The following PLXDC2 variants were observed in gnomAD, a reference collection of about 807,000 sequenced individuals.
PLXDC2 encodes the protein plexin domain containing 2.
In PLXDC2, 40 loss-of-function variants were observed where a neutral mutation model predicts 68.9. That is an observed-to-expected ratio of 0.58 (90% confidence interval 0.45 to 0.76). The LOEUF (loss-of-function observed/expected upper bound fraction) is 0.76. Among genes scored for constraint, PLXDC2 ranks in the 30% least tolerant of loss-of-function variants. The pLI, the probability that PLXDC2 is intolerant of heterozygous loss-of-function variation, is 0.00. For missense variants in PLXDC2, 644 were observed against 661.9 expected, an observed-to-expected ratio of 0.97 and a Z score of 0.30; for synonymous variants, 243 against 234.2, an observed-to-expected ratio of 1.04 and a Z score of -0.34.
intron 4 of PLXDC2, among the ~76,000 whole-genome samples, chr10:20,109,772 A>G (rs937250246): frequency 2.0e-5 from 3 of 152,216 alleles, no homozygotes; most frequent in Non-Finnish European, 2.9e-5. Context: ...TAACTATTCA[A>G]TTAACTTCCA....
At chr10:19,823,831 T>TTTTTGTTTTG (rs553666963) in intron 1 of PLXDC2, among the ~76,000 whole-genome samples, 2 of 151,808 alleles carry the variant, frequency 1.3e-5, no homozygotes, top group Admixed American at 1.3e-4. Flanking sequence ...CTCTACAGTT[T>TTTTTGTTTTG]TTTTGTTTTG....
intron 2 of PLXDC2, among the ~76,000 whole-genome samples, chr10:20,011,595 TG>T (rs1265857348): frequency 6.6e-6 from 1 of 152,222 alleles, no homozygotes; most frequent in African/African-American, 2.4e-5. Context: ...AGAGAGCTTC[TG>T]GGATCATTCA....
At chr10:20,176,934 TA>T in intron 7 of PLXDC2, 64 bp from the exon 8 acceptor site, 2 of 1,212,602 alleles carry the variant, frequency 1.6e-6, no homozygotes, top group South Asian at 2.5e-5. Context: ...TATCCATTAT[TA>T]AAATGCTGTT....
Position 19,817,095 on chromosome 10 carries a change from A to T in PLXDC2, c.16A>T (p.Lys6Ter). The change falls in exon 1 of 14, where the codon AAG becomes TAG. Residue 6 changes from lysine to a stop codon, truncating the protein, a stop_gained. Transcript: ENST00000377252. LOFTEE classifies it high-confidence loss of function. ...CGGCGGCGGCATGGCGAGGTTCCCGAAGGCCGACCTGGCCGCTGCAGGAGT... is the reference window on the plus strand; with the variant it reads ...CGGCGGCGGCATGGCGAGGTTCCCGTAGGCCGACCTGGCCGCTGCAGGAGT... MARFP[K>*]ADLAAAGVML... 6.4e-7 allele frequency: 1 copy of T among 1,556,394 alleles called. No homozygotes were observed. Among genetic ancestry groups the T allele is most frequent in the Non-Finnish European group, 8.7e-7 (1 of 1,149,266 alleles).
chr10:20,246,564 G>A (rs901221633), intron 13 of PLXDC2, among the ~76,000 whole-genome samples: 5 of 152,172 alleles, frequency 3.3e-5, no homozygotes, highest in African/African-American at 9.6e-5. Context: ...TGGCCAGACT[G>A]GTCTCAAACT....
rs556386333 is a variant in PLXDC2, at chr10:20,039,110, A to C, written c.325-7759A>C. On this transcript the variant is annotated intron_variant, in intron 2 of 13. Coordinates refer to ENST00000377252, the MANE Select transcript of PLXDC2 (RefSeq NM_032812.9). Reference sequence around the variant, plus strand: ...CTAGAGATCAGTTCACCTGTCTGCAAGTTTAATGTCTTCAACCACACTGTA... The same window carrying C: ...CTAGAGATCAGTTCACCTGTCTGCACGTTTAATGTCTTCAACCACACTGTA... Among the ~76,000 whole-genome samples, 37 of 152,300 alleles carry C rather than the reference A, an allele frequency of 2.4e-4. No homozygotes were observed. In the South Asian group the frequency reaches 7.5e-3, roughly 31 times the overall value.
intron 12 of PLXDC2, among the ~76,000 whole-genome samples, chr10:20,222,251 T>C (rs1214669374): frequency 6.6e-6 from 1 of 152,210 alleles, no homozygotes; most frequent in Admixed American, 6.5e-5. Context: ...TGGGTTAAAA[T>C]AGTTGATTTT....
At chr10:19,920,337 C>G (rs1182740709) in intron 1 of PLXDC2, among the ~76,000 whole-genome samples, 1 of 152,220 alleles carries the variant, frequency 6.6e-6, no homozygotes, top group Admixed American at 6.5e-5. Flanking sequence ...TGTTGCATTT[C>G]CCAAGACCAA....
intron 1 of PLXDC2, among the ~76,000 whole-genome samples, chr10:19,880,477 G>A (rs1300113913): frequency 6.6e-6 from 1 of 152,146 alleles, no homozygotes; most frequent in Non-Finnish European, 1.5e-5. Context: ...TTATATAAAT[G>A]TGCAATCTCT....
At chr10:20,200,249 C>A (rs951279690) in intron 9 of PLXDC2, among the ~76,000 whole-genome samples, 44 of 151,652 alleles carry the variant, frequency 2.9e-4, no homozygotes, top group African/African-American at 1.0e-3. Context: ...AAAAGAACAG[C>A]CCAATCAAAA....
Position 20,275,065 on chromosome 10 carries a change from G to A in PLXDC2, c.1474-4638G>A, listed in dbSNP as rs372345887. ...AAATTGTATTTCAAAGAATGAAATA[G>A]AGAGAAAAAAATTCCTTCCCTTGGA... On this transcript the variant is annotated intron_variant, in intron 13 of 13. Transcript: ENST00000377252. 6.6e-5 allele frequency among the ~76,000 whole-genome samples: 10 copies of A among 152,160 alleles called. No homozygotes were observed. The East Asian group carries it at 1.7e-3, about 27-fold the overall frequency.
chr10:20,029,706 A>G (rs894525643), intron 2 of PLXDC2, among the ~76,000 whole-genome samples: 1 of 152,240 alleles, frequency 6.6e-6, no homozygotes, highest in East Asian at 1.9e-4. Flanking sequence ...GATCGGAAAG[A>G]GAATATTTCT....
chr10:20,018,410 C>G (rs543067973), intron 2 of PLXDC2, among the ~76,000 whole-genome samples: 1 of 152,168 alleles, frequency 6.6e-6, no homozygotes, highest in Non-Finnish European at 1.5e-5. Context: ...AGATGAAATA[C>G]TTCCTTTTGC....
chr10:20,195,998 A>G lies in PLXDC2; in HGVS notation c.1062-15671A>G, dbSNP rs544461751. On this transcript the variant is annotated intron_variant, in intron 9 of 13. Coordinates refer to ENST00000377252, the MANE Select transcript of PLXDC2 (RefSeq NM_032812.9). ...CTCTCTTTTCCCCCTTTATGCATGT[A>G]AAGGTGCTATTCAAGTATAACGTTT... is the stretch of plus-strand genomic sequence containing the variant. 2.0e-5 allele frequency among the ~76,000 whole-genome samples: 3 copies of G among 152,282 alleles called. No homozygotes were observed. In the East Asian group the frequency reaches 5.8e-4, roughly 29 times the overall value.
At chr10:19,847,048 C>T (rs1282715967) in intron 1 of PLXDC2, among the ~76,000 whole-genome samples, 1 of 152,034 alleles carries the variant, frequency 6.6e-6, no homozygotes, top group East Asian at 1.9e-4. Context: ...CGCCCCCATG[C>T]TTCAGTTACC....
intron 2 of PLXDC2, among the ~76,000 whole-genome samples, chr10:20,029,699 C>T (rs554515413): frequency 6.6e-6 from 1 of 152,210 alleles, no homozygotes; most frequent in South Asian, 2.1e-4. Context: ...GTTTATAGAT[C>T]GGAAAGAGAA....
At chr10:20,158,059 A>C (rs1432022545) in intron 6 of PLXDC2, among the ~76,000 whole-genome samples, 8 of 151,756 alleles carry the variant, frequency 5.3e-5, no homozygotes, top group South Asian at 2.1e-4. Flanking sequence ...ATAAAGCTAC[A>C]TTGTTTAAAA....
intron 4 of PLXDC2, among the ~76,000 whole-genome samples, chr10:20,069,096 T>C (rs1836272685): frequency 6.6e-6 from 1 of 152,202 alleles, no homozygotes; most frequent in Non-Finnish European, 1.5e-5. Flanking sequence ...ACAGAGTCTC[T>C]TTCCTTCACT....
intron 3 of PLXDC2, among the ~76,000 whole-genome samples, chr10:20,062,776 C>G (rs914832618): frequency 3.3e-5 from 5 of 151,920 alleles, no homozygotes; most frequent in Non-Finnish European, 4.4e-5. Context: ...AATATCACAT[C>G]CCAGTTAAAT....
Sources: allele counts gnomAD v4.1 joint callset (sites outside exome capture counted in the v4.1 genomes callset), GRCh38; gene constraint gnomAD v4.1.1; transcripts MANE v1.5; gene names NCBI Gene and HGNC (gene_info 2026-07-23, HGNC 2026-07-21).